The following PSD3 variants were observed in gnomAD, a reference collection of about 807,000 sequenced individuals.
PSD3 encodes pleckstrin and Sec7 domain containing 3.
PSD3 carries 49 observed loss-of-function variants against 105.5 expected under a neutral mutation model. The ratio of observed to expected loss-of-function variants is 0.46; its 90% CI spans 0.37 to 0.59. PSD3 has a LOEUF of 0.59. PSD3 is among the 20% of genes least tolerant of loss of function. The pLI is 0.00. For missense variants in PSD3, 1,561 were observed against 1,263.8 expected, an observed-to-expected ratio of 1.24 and a Z score of -3.57; for synonymous variants, 557 against 457.8, an observed-to-expected ratio of 1.22 and a Z score of -2.77.
intron 1 of PSD3, among the ~76,000 whole-genome samples, chr8:19,042,309 C>T (rs1828151059): frequency 6.6e-6 from 1 of 152,130 alleles, no homozygotes; most frequent in East Asian, 1.9e-4. Flanking sequence ...TGTTTCCCTT[C>T]CAGAGGCTCA....
intron 4 of PSD3, among the ~76,000 whole-genome samples, chr8:18,818,557 G>A (rs77284227): frequency 6.6e-6 from 1 of 152,018 alleles, no homozygotes; most frequent in Non-Finnish European, 1.5e-5. Flanking sequence ...GGTAAAAAGA[G>A]GTTAGTGACA....
chr8:18,541,468 C>G (rs981721229), intron 15 of PSD3, among the ~76,000 whole-genome samples: 1 of 152,190 alleles, frequency 6.6e-6, no homozygotes, highest in African/African-American at 2.4e-5. Context: ...ACACCTTTAT[C>G]TTCAGTATCC....
intron 1 of PSD3, among the ~76,000 whole-genome samples, chr8:18,990,096 C>T (rs1430800349): frequency 6.6e-6 from 1 of 152,218 alleles, no homozygotes; most frequent in Non-Finnish European, 1.5e-5. Flanking sequence ...CTGCCACCAT[C>T]CCTGTCCAAG....
At chr8:18,880,494 T>C (rs1020464961) in intron 2 of PSD3, among the ~76,000 whole-genome samples, 21 of 152,114 alleles carry the variant, frequency 1.4e-4, no homozygotes, top group Non-Finnish European at 2.6e-4. Flanking sequence ...CTGACAATAG[T>C]ACAGGTGAGA....
intron 1 of PSD3, among the ~76,000 whole-genome samples, chr8:19,071,763 C>T (rs916977853): frequency 1.3e-5 from 2 of 152,062 alleles, no homozygotes; most frequent in African/African-American, 4.8e-5. Flanking sequence ...TCTTGTTGCC[C>T]AGGCTGGAGT....
intron 11 of PSD3, among the ~76,000 whole-genome samples, chr8:18,602,576 T>TA (rs1804513083): frequency 6.6e-6 from 1 of 152,148 alleles, no homozygotes. Flanking sequence ...TGGTGTGCTA[T>TA]AAAAGCACTG....
chr8:18,922,107 G>A (rs1336162992), intron 2 of PSD3, among the ~76,000 whole-genome samples: 1 of 152,208 alleles, frequency 6.6e-6, no homozygotes, highest in Non-Finnish European at 1.5e-5. Context: ...CTGAAGAGTA[G>A]ATAGTTTATT....
intron 15 of PSD3, among the ~76,000 whole-genome samples, chr8:18,553,745 C>T (rs1256514558): frequency 6.6e-6 from 1 of 152,188 alleles, no homozygotes; most frequent in African/African-American, 2.4e-5. Flanking sequence ...CAATTGTTCA[C>T]TTCTTAAAAA....
chr8:18,542,366 C>T (rs1355280888), intron 15 of PSD3, among the ~76,000 whole-genome samples: 1 of 152,194 alleles, frequency 6.6e-6, no homozygotes, highest in African/African-American at 2.4e-5. Context: ...TAATTCCATA[C>T]TAACCTAAGA....
At chr8:18,866,761 C>G (rs963777670) in intron 4 of PSD3, among the ~76,000 whole-genome samples, 1 of 151,252 alleles carries the variant, frequency 6.6e-6, no homozygotes, top group African/African-American at 2.4e-5. Context: ...CATTGAAAAC[C>G]TGTAATATTA....
At chr8:18,556,094 A>G in intron 15 of PSD3, 115 bp downstream of exon 15, 1 of 1,280,014 alleles carries the variant, frequency 7.8e-7, no homozygotes, top group Non-Finnish European at 1.1e-6. Flanking sequence ...CCCAAATTAG[A>G]GCCAGGGGCA....
At chr8:18,573,900 AT>A (rs1243436148) in intron 13 of PSD3, among the ~76,000 whole-genome samples, 1 of 152,180 alleles carries the variant, frequency 6.6e-6, no homozygotes, top group Non-Finnish European at 1.5e-5. Context: ...TGCTAAAAAA[AT>A]CACTGAAATG....
At chr8:18,667,180 C>T (rs1389484671) in intron 9 of PSD3, among the ~76,000 whole-genome samples, 2 of 152,138 alleles carry the variant, frequency 1.3e-5, no homozygotes, top group Non-Finnish European at 2.9e-5. Context: ...CCACCCACAT[C>T]CTGCTGATTG....
intron 9 of PSD3, among the ~76,000 whole-genome samples, chr8:18,686,884 C>T (rs964273141): frequency 1.3e-5 from 2 of 152,196 alleles, no homozygotes; most frequent in East Asian, 3.9e-4. Flanking sequence ...AAGCTGGCTT[C>T]TCCTCATTCA....
intron 1 of PSD3, among the ~76,000 whole-genome samples, chr8:19,078,465 C>A (rs1829529614): frequency 6.6e-6 from 1 of 152,050 alleles, no homozygotes; most frequent in African/African-American, 2.4e-5. Flanking sequence ...AATACTTAAA[C>A]AAAGCAATCA....
intron 12 of PSD3, among the ~76,000 whole-genome samples, chr8:18,580,389 G>C (rs1414073272): frequency 6.6e-6 from 1 of 151,968 alleles, no homozygotes; most frequent in African/African-American, 2.4e-5. Flanking sequence ...ATGCGACCCA[G>C]TAAACTTTTA....
intron 2 of PSD3, among the ~76,000 whole-genome samples, chr8:18,901,648 G>A (rs965387877): frequency 6.6e-6 from 1 of 152,032 alleles, no homozygotes; most frequent in African/African-American, 2.4e-5. Context: ...CTGTTTTCAT[G>A]ATAGTGATTT....
intron 9 of PSD3, among the ~76,000 whole-genome samples, chr8:18,735,631 A>T (rs1804095792): frequency 6.6e-6 from 1 of 152,196 alleles, no homozygotes; most frequent in Non-Finnish European, 1.5e-5. Flanking sequence ...TGGCAACCTC[A>T]AGTGGGTAAG....
intron 8 of PSD3, among the ~76,000 whole-genome samples, chr8:18,793,798 C>A (rs1045532762): frequency 3.9e-5 from 6 of 152,088 alleles, no homozygotes; most frequent in Admixed American, 2.6e-4. Flanking sequence ...GAGAGGATAG[C>A]CTGCAAATGT....
Sources: allele counts gnomAD v4.1 joint callset (sites outside exome capture counted in the v4.1 genomes callset), GRCh38; gene constraint gnomAD v4.1.1; transcripts MANE v1.5; gene names NCBI Gene and HGNC (gene_info 2026-07-23, HGNC 2026-07-21).